Variants in MMP24 observed in about 807,000 individuals in gnomAD.
MMP24 encodes the protein matrix metalloproteinase-24.
MMP24 carries 25 observed loss-of-function variants against 62.8 expected under a neutral mutation model. The ratio of observed to expected loss-of-function variants is 0.40; its 90% CI spans 0.29 to 0.56. MMP24 has a LOEUF of 0.56. MMP24 is among the 20% of genes least tolerant of loss of function. The pLI, the probability that MMP24 is intolerant of heterozygous loss-of-function variation, is 0.50. For missense variants in MMP24, 634 were observed against 853.6 expected (o/e 0.74, Z 3.21); for synonymous variants, 319 against 350.5 (o/e 0.91, Z 1.00).
chr20:35,247,092 T>G, intron 2 of MMP24, 104 bp downstream of exon 2: 1 of 1,383,646 alleles, frequency 7.2e-7, no homozygotes, highest in South Asian at 1.3e-5. Flanking sequence ...TCCCTTCCTA[T>G]CTTTTATTCC....
At chr20:35,231,968 C>T (rs1333580470) in intron 1 of MMP24, among the ~76,000 whole-genome samples, 4 of 152,104 alleles carry the variant, frequency 2.6e-5, no homozygotes, top group African/African-American at 7.2e-5. Flanking sequence ...GCTTGAACCC[C>T]GGGGGCAGAG....
chr20:35,272,047 G>T, intron 8 of MMP24: 1 of 613,822 alleles, frequency 1.6e-6, no homozygotes, highest in South Asian at 2.0e-5. Flanking sequence ...AATGATTCAC[G>T]GCAGAGAGAC....
rs1434903842 is a variant in MMP24 at position 35,249,749 on chromosome 20, C to T, written c.396-2156C>T. Among the ~76,000 whole-genome samples, 8 of 151,100 alleles carry T rather than the reference C, an allele frequency of 5.3e-5. No individual in the cohort carries two copies. The South Asian group carries it at 8.4e-4, about 16-fold the overall frequency. ...GACTACAGGGGCCCGCCACCACGCC[C>T]GGCTAATTTTTTTTTTTTATTTTTT... On this transcript the variant is annotated intron_variant, in intron 2 of 8. Coordinates refer to ENST00000246186, the MANE Select transcript of MMP24 (RefSeq NM_006690.4).
intron 2 of MMP24, 51 bp downstream of exon 2, chr20:35,247,039 G>C: frequency 6.2e-7 from 1 of 1,606,318 alleles, no homozygotes; most frequent in Non-Finnish European, 8.5e-7. Flanking sequence ...ACTTACATTT[G>C]GGTTCACATT....
Position 35,275,847 on chromosome 20 carries a change from G to T in MMP24, c.*1238G>T. 2 of 396,500 alleles carry T rather than the reference G, an allele frequency of 5.0e-6. No homozygotes were observed. Among genetic ancestry groups the T allele is most frequent in the Non-Finnish European group, 4.4e-6 (1 of 225,300 alleles). The allele number at this position is 396,500 out of a possible 1,614,324, so 24.6% of individuals were successfully genotyped here. On this transcript the variant is annotated 3_prime_UTR_variant, in exon 9 of 9. Transcript: ENST00000246186. ...CTGCTCTTAGAAGGACACCCCTACC[G>T]GTAGCAGCCCCAAGCTGAGGGGGCT... is the stretch of plus-strand genomic sequence containing the variant.
intron 1 of MMP24, among the ~76,000 whole-genome samples, chr20:35,231,357 G>T (rs2060436518): frequency 6.6e-6 from 1 of 152,086 alleles, no homozygotes; most frequent in Non-Finnish European, 1.5e-5. Flanking sequence ...TGATTGGAGG[G>T]GTAAGAGAGT....
chr20:35,272,773 G>T (rs2060678507), intron 8 of MMP24, among the ~76,000 whole-genome samples: 2 of 152,152 alleles, frequency 1.3e-5, no homozygotes, highest in Non-Finnish European at 2.9e-5. Flanking sequence ...AACCACCATA[G>T]TACCACTCAC....
intron 1 of MMP24, among the ~76,000 whole-genome samples, chr20:35,233,874 A>C (rs557236262): frequency 8.8e-4 from 134 of 152,290 alleles, no homozygotes; most frequent in African/African-American, 3.2e-3. Context: ...AGTCACAGCT[A>C]CTTGGGAGGC....
chr20:35,248,300 C>A (rs1013474545), intron 2 of MMP24, among the ~76,000 whole-genome samples: 16 of 145,866 alleles, frequency 1.1e-4, no homozygotes, highest in Admixed American at 8.7e-4. Flanking sequence ...TCTAGATTCC[C>A]CCCCCCTTTT....
At chr20:35,239,239 G>A (rs1325045679) in intron 1 of MMP24, among the ~76,000 whole-genome samples, 20 of 151,700 alleles carry the variant, frequency 1.3e-4, no homozygotes, top group Admixed American at 1.3e-3. Flanking sequence ...GGGTTTCACC[G>A]TGTTGGCCAG....
In MMP24 at chr20:35,241,266, T is replaced by C. The variant is rs6087692; in HGVS notation, c.247-5574T>C. 2.5e-3 allele frequency among the ~76,000 whole-genome samples: 378 copies of C among 152,184 alleles called. 1 individual carries two copies. Among genetic ancestry groups the C allele is most frequent in the Non-Finnish European group, 4.5e-3 (304 of 67,982 alleles). On this transcript the variant is annotated intron_variant, in intron 1 of 8. Transcript: ENST00000246186. ...CAGGATTAAGCAGCATGAATTAGAA[T>C]TGTCCGACCCCGATCCATCTTCCTT...
intron 4 of MMP24, among the ~76,000 whole-genome samples, chr20:35,261,000 G>A (rs2060599708): frequency 6.6e-6 from 1 of 152,184 alleles, no homozygotes; most frequent in Non-Finnish European, 1.5e-5. Flanking sequence ...GGCAGGAATG[G>A]GCCGAGCCAT....
chr20:35,235,295 T>C (rs1203831282), intron 1 of MMP24, among the ~76,000 whole-genome samples: 1 of 152,136 alleles, frequency 6.6e-6, no homozygotes, highest in Non-Finnish European at 1.5e-5. Flanking sequence ...TCACAGCTAC[T>C]TGGGAGACTG....
chr20:35,269,842 C>T lies in MMP24; in HGVS notation c.1277C>T (p.Pro426Leu). 1 of 1,556,170 alleles carries T rather than the reference C, an allele frequency of 6.4e-7. No homozygotes were observed. The highest frequency in any genetic ancestry group is 8.7e-7 in the Non-Finnish European group (1 of 1,149,820). ...ATCGAGCAGTTCTGGAAGGGCCTGC[C>T]TGCCCGCATCGACGCAGCCTATGAA... ...MQIEQFWKGL[P>L]ARIDAAYERA... Residue 426 changes from proline (P) to leucine (L), a missense_variant, in exon 7 of 9, where the codon CCT becomes CTT. Pro to Leu is a moderately conservative substitution (Grantham distance 98). Around this residue, in one of 3 missense-constraint regions of MMP24, gnomAD observed 399 missense variants for 530.8 expected, o/e 0.75. Coordinates refer to ENST00000246186, the MANE Select transcript of MMP24 (RefSeq NM_006690.4). This position sits in a 1 kb window ranked among gnomAD's most constrained non-coding sequence, Gnocchi z 4.6.
At chr20:35,248,304 C>CA (rs1468606825) in intron 2 of MMP24, among the ~76,000 whole-genome samples, 2 of 146,826 alleles carry the variant, frequency 1.4e-5, no homozygotes, top group African/African-American at 5.3e-5. Flanking sequence ...GATTCCCCCC[C>CA]CCTTTTTTTT....
chr20:35,237,562 G>A (rs1443117000), intron 1 of MMP24, among the ~76,000 whole-genome samples: 1 of 152,098 alleles, frequency 6.6e-6, no homozygotes, highest in Non-Finnish European at 1.5e-5. Context: ...CAGGTTTTGG[G>A]GATTAGGATG....
intron 1 of MMP24, among the ~76,000 whole-genome samples, chr20:35,228,234 G>T (rs2060423600): frequency 6.6e-6 from 1 of 152,150 alleles, no homozygotes; most frequent in African/African-American, 2.4e-5. Context: ...TTCTAGGCGA[G>T]GACCCCTAGA....
intron 2 of MMP24, among the ~76,000 whole-genome samples, chr20:35,248,366 C>T (rs979884808): frequency 2.9e-5 from 4 of 140,246 alleles, no homozygotes; most frequent in Admixed American, 7.4e-5. Flanking sequence ...AGGGCAGTGG[C>T]GTGATCTCGG....
intron 5 of MMP24, among the ~76,000 whole-genome samples, chr20:35,266,223 G>A (rs548857709): frequency 2.9e-4 from 42 of 145,908 alleles, no homozygotes; most frequent in South Asian, 1.3e-3. Flanking sequence ...GTGGTGGTAC[G>A]TGCCTGTAGT....
Sources: allele counts gnomAD v4.1 joint callset (sites outside exome capture counted in the v4.1 genomes callset), GRCh38; gene constraint gnomAD v4.1.1; regional missense constraint gnomAD v4.1.1; non-coding constraint Gnocchi (gnomAD v3.1); transcripts MANE v1.5; gene names NCBI Gene and HGNC (gene_info 2026-07-23, HGNC 2026-07-21).